The following DOCK1 variants were observed in gnomAD, a reference collection of about 807,000 sequenced individuals.
DOCK1 encodes the protein dedicator of cytokinesis protein 1.
Under a neutral mutation model 262.7 loss-of-function variants are expected in DOCK1, and 138 were observed. The ratio of observed to expected loss-of-function variants is 0.53; its 90% CI spans 0.46 to 0.61. The LOEUF is 0.61. Among genes scored for constraint, DOCK1 ranks in the 20% least tolerant of loss-of-function variants. The pLI, the probability that DOCK1 is intolerant of heterozygous loss-of-function variation, is 0.00. For missense variants in DOCK1, 1,908 were observed against 2,370.7 expected (o/e 0.80, Z 4.05); for synonymous variants, 866 against 867.4 (o/e 1.00, Z 0.03).
At chr10:127,214,214 A>T (rs1204495901) in intron 27 of DOCK1, among the ~76,000 whole-genome samples, 1 of 152,010 alleles carries the variant, frequency 6.6e-6, no homozygotes, top group Non-Finnish European at 1.5e-5. Context: ...AGAGATGACA[A>T]ATCATTCAGT....
Position 127,124,382 on chromosome 10 carries a change from G to T in DOCK1, c.2624-1092G>T, listed in dbSNP as rs550112808. Among the ~76,000 whole-genome samples the T allele has an allele frequency of 4.6e-5, 7 of 152,302 alleles. No homozygotes were observed. In the South Asian group the frequency reaches 1.2e-3, roughly 27 times the overall value. Reference sequence around the variant, plus strand: ...GTTTAAAGGAAACAAGAATGGCTGGGCTAGTGTCAAAACACAGAACTGGTG... The same window carrying T: ...GTTTAAAGGAAACAAGAATGGCTGGTCTAGTGTCAAAACACAGAACTGGTG... On this transcript the variant is annotated intron_variant, in intron 25 of 51. Coordinates refer to ENST00000623213, the MANE Select transcript of DOCK1 (RefSeq NM_001290223.2).
intron 42 of DOCK1, 49 bp downstream of exon 42, chr10:127,409,440 G>A (rs766709422): frequency 1.9e-6 from 3 of 1,569,290 alleles, no homozygotes; most frequent in Admixed American, 3.3e-5. Flanking sequence ...AAGAGGCTGT[G>A]TACAGATCTC....
chr10:127,435,020 G>A (rs1305108219), intron 48 of DOCK1, among the ~76,000 whole-genome samples: 2 of 152,090 alleles, frequency 1.3e-5, no homozygotes, highest in Non-Finnish European at 2.9e-5. Context: ...TTTGTACAAG[G>A]CCACTTTGGA....
At chr10:127,316,661 A>G (rs1042382845) in intron 29 of DOCK1, among the ~76,000 whole-genome samples, 9 of 152,098 alleles carry the variant, frequency 5.9e-5, no homozygotes, top group African/African-American at 2.2e-4. Flanking sequence ...TATGACCCTT[A>G]ACTCAAAAGG....
chr10:127,196,726 A>AGAGGAG lies in DOCK1; in HGVS notation c.2848-51274_2848-51269dup, dbSNP rs376664476. 7.1e-3 allele frequency among the ~76,000 whole-genome samples: 1,070 copies of AGAGGAG among 149,738 alleles called. 15 individuals carry two copies. The highest frequency in any genetic ancestry group is 0.024 in the African/African-American group (994 of 40,946). ...CGCCAGAGCTGGAGGAGGAGGAGGA[A>AGAGGAG]GAGGAGGAGGAGGTGGAAGGAGCTG... is the stretch of plus-strand genomic sequence containing the variant. On this transcript the variant is annotated intron_variant, in intron 27 of 51. Transcript: ENST00000623213.
At chr10:126,941,975 AG>A (rs2035045142) in intron 1 of DOCK1, among the ~76,000 whole-genome samples, 1 of 151,994 alleles carries the variant, frequency 6.6e-6, no homozygotes, top group Admixed American at 6.6e-5. Flanking sequence ...CATCATGAGG[AG>A]GGGAGAGCCA....
chr10:127,020,581 A>AG (rs1305339273), intron 13 of DOCK1, among the ~76,000 whole-genome samples: 1 of 151,922 alleles, frequency 6.6e-6, no homozygotes, highest in Admixed American at 6.6e-5. Context: ...AAAAAAAAAA[A>AG]CTAAGTCTAA....
chr10:127,303,362 A>T (rs1256624650), intron 29 of DOCK1, among the ~76,000 whole-genome samples: 1 of 152,180 alleles, frequency 6.6e-6, no homozygotes, highest in Non-Finnish European at 1.5e-5. Context: ...GATTCACTCC[A>T]AACTCTCTTA....
At chr10:127,152,194 C>T (rs1018426193) in intron 27 of DOCK1, among the ~76,000 whole-genome samples, 2 of 152,174 alleles carry the variant, frequency 1.3e-5, no homozygotes, top group Non-Finnish European at 2.9e-5. Context: ...AGGTCATCTA[C>T]ACTCTGCACT....
intron 27 of DOCK1, among the ~76,000 whole-genome samples, chr10:127,208,297 C>T (rs1467730256): frequency 2.0e-5 from 3 of 152,162 alleles, no homozygotes; most frequent in Non-Finnish European, 1.5e-5. Flanking sequence ...TTATTCACCA[C>T]GTTCCCCTGA....
intron 30 of DOCK1, among the ~76,000 whole-genome samples, chr10:127,342,961 T>A (rs2063495908): frequency 6.6e-6 from 1 of 152,130 alleles, no homozygotes; most frequent in Non-Finnish European, 1.5e-5. Flanking sequence ...AAAGTTAACA[T>A]TGGCCAGGCA....
At chr10:127,297,128 G>A (rs537646685) in intron 29 of DOCK1, among the ~76,000 whole-genome samples, 4 of 152,274 alleles carry the variant, frequency 2.6e-5, no homozygotes, top group South Asian at 2.1e-4. Context: ...TGATTTGCCC[G>A]CAAGCTAGTT....
intron 23 of DOCK1, 30 bp downstream of exon 23, chr10:127,061,806 TCTC>T (rs758036774): frequency 8.6e-5 from 131 of 1,519,484 alleles, no homozygotes; most frequent in Non-Finnish European, 1.1e-4. Flanking sequence ...AAGGCAGACT[TCTC>T]CTTCTTTTTT....
intron 38 of DOCK1, among the ~76,000 whole-genome samples, chr10:127,385,838 CCTT>C (rs1177129027): frequency 6.6e-6 from 1 of 152,208 alleles, no homozygotes; most frequent in Non-Finnish European, 1.5e-5. Flanking sequence ...TCATCACAGG[CCTT>C]CTCCTCATGC....
At chr10:127,386,610 C>G (rs2066136408) in intron 38 of DOCK1, among the ~76,000 whole-genome samples, 1 of 151,872 alleles carries the variant, frequency 6.6e-6, no homozygotes, top group East Asian at 1.9e-4. Context: ...CCATCTTCCC[C>G]TGATGGGATC....
At chr10:127,447,774 A>G (rs1035671323) in intron 51 of DOCK1, among the ~76,000 whole-genome samples, 1 of 152,220 alleles carries the variant, frequency 6.6e-6, no homozygotes, top group Admixed American at 6.5e-5. Context: ...CAAAAAGCAC[A>G]TTTTGATATC....
chr10:127,233,227 T>G (rs1230045964), intron 27 of DOCK1, among the ~76,000 whole-genome samples: 2 of 152,228 alleles, frequency 1.3e-5, no homozygotes, highest in South Asian at 2.1e-4. Context: ...CAATGCTAAG[T>G]GTTTATTTGG....
chr10:127,250,823 T>A (rs1398630318), intron 28 of DOCK1, among the ~76,000 whole-genome samples: 75 of 105,368 alleles, frequency 7.1e-4, no homozygotes, highest in Non-Finnish European at 9.7e-4. Flanking sequence ...AAAAAAAAAA[T>A]GACGTTTGTG....
intron 33 of DOCK1, among the ~76,000 whole-genome samples, 155 bp from the exon 34 acceptor site, chr10:127,373,626 G>A (rs2065330398): frequency 6.6e-6 from 1 of 152,104 alleles, no homozygotes; most frequent in African/African-American, 2.4e-5. Context: ...AAACCTCCAG[G>A]GGTTCTGTGT....
Sources: allele counts gnomAD v4.1 joint callset (sites outside exome capture counted in the v4.1 genomes callset), GRCh38; gene constraint gnomAD v4.1.1; transcripts MANE v1.5; gene names NCBI Gene and HGNC (gene_info 2026-07-23, HGNC 2026-07-21).